Variants in PTGES observed in about 807,000 individuals in gnomAD.
PTGES encodes MGST1-like 1.
In PTGES, 3 loss-of-function variants were observed where a neutral mutation model predicts 11.8. The observed-to-expected ratio is 0.25, with a 90% CI of 0.12 to 0.66. The LOEUF (loss-of-function observed/expected upper bound fraction) is 0.66. PTGES is among the 30% of genes least tolerant of loss of function. PTGES has a pLI of 0.82. For missense variants in PTGES, 180 were observed against 213.0 expected, an observed-to-expected ratio of 0.85 and a Z score of 0.96; for synonymous variants, 94 against 90.4, an observed-to-expected ratio of 1.04 and a Z score of -0.22.
intron 1 of PTGES, among the ~76,000 whole-genome samples, chr9:129,749,325 C>G (rs927775942): frequency 1.3e-5 from 2 of 151,778 alleles, no homozygotes; most frequent in Non-Finnish European, 2.9e-5. Context: ...GAGACCAACC[C>G]GGGCAACATA....
rs202053335 is a variant in PTGES, at chr9:129,753,039, G to T, written c.-27C>A. On this transcript the variant is annotated 5_prime_UTR_variant, in exon 1 of 3. Transcript: ENST00000340607. ...TCTGGCCAGCGCAGCTCAACTGTGGGTGTGATCAGCTCGACAGAGGAGCAG... is the reference window on the plus strand; with the variant it reads ...TCTGGCCAGCGCAGCTCAACTGTGGTTGTGATCAGCTCGACAGAGGAGCAG... 11 of 1,594,536 alleles carry T rather than the reference G, an allele frequency of 6.9e-6. No individual in the cohort carries two copies. The highest frequency in any genetic ancestry group is 1.7e-4 in the Middle Eastern group (1 of 5,726).
intron 1 of PTGES, 25 bp downstream of exon 1, chr9:129,752,862 C>T (rs761686812): frequency 5.0e-6 from 8 of 1,613,722 alleles, no homozygotes; most frequent in South Asian, 2.2e-5. Context: ...TGACCCAGGC[C>T]GGGGACCCCC....
At chr9:129,746,460 C>T (rs1374479705) in intron 2 of PTGES, among the ~76,000 whole-genome samples, 1 of 152,090 alleles carries the variant, frequency 6.6e-6, no homozygotes, top group Non-Finnish European at 1.5e-5. Context: ...GAGAGACGGG[C>T]CTCATATGAA....
chr9:129,741,517 T>C (rs1832993628), intron 2 of PTGES, among the ~76,000 whole-genome samples: 1 of 152,162 alleles, frequency 6.6e-6, no homozygotes, highest in Non-Finnish European at 1.5e-5. Flanking sequence ...AGCAAGTCTG[T>C]GGCAGGGCAG....
At chr9:129,751,343 TAA>T (rs34989168) in intron 1 of PTGES, among the ~76,000 whole-genome samples, 172 of 103,296 alleles carry the variant, frequency 1.7e-3, no homozygotes, top group African/African-American at 5.7e-3. Context: ...AAATAATAAT[TAA>T]AAAAAAAAAA....
chr9:129,739,559 C>T lies in PTGES; in HGVS notation c.*52G>A, dbSNP rs763353536. On this transcript the variant is annotated 3_prime_UTR_variant, in exon 3 of 3. Coordinates refer to ENST00000340607, the MANE Select transcript of PTGES (RefSeq NM_004878.5). This position sits in a 1 kb window ranked among gnomAD's most constrained non-coding sequence, Gnocchi z 5.7. ...GGAACATCAAGTCCCCAGGTATAGC[C>T]ACGGCGGCTCTTGGCCCATGGTCTG... 1.0e-5 allele frequency: 16 copies of T among 1,527,112 alleles called. No individual in the cohort carries two copies. The highest frequency in any genetic ancestry group is 1.4e-5 in the Non-Finnish European group (16 of 1,134,836). The allele number at this position is 1,527,112 out of a possible 1,614,324, so 94.6% of individuals were successfully genotyped here.
At chr9:129,743,586 A>T (rs974305426) in intron 2 of PTGES, among the ~76,000 whole-genome samples, 1 of 152,140 alleles carries the variant, frequency 6.6e-6, no homozygotes, top group Non-Finnish European at 1.5e-5. Context: ...CAGGACAGGG[A>T]CAGCTGCTGG....
In PTGES at chr9:129,738,410, AACACACACACACACACACACACAC is replaced by A. The variant is rs71385459; in HGVS notation, c.*1177_*1200del. On this transcript the variant is annotated 3_prime_UTR_variant, in exon 3 of 3. Transcript: ENST00000340607. The surrounding 1 kb of genome is among the most constrained non-coding windows in gnomAD (Gnocchi z 4.2). ...ATCTCAGGTCACGGGTCTAGGAGAA[AACACACACACACACACACACACAC>A]ACACACACACACACACACACACACG... 6 of 138,414 alleles carry A rather than the reference AACACACACACACACACACACACAC, an allele frequency of 4.3e-5. No individual in the cohort carries two copies. The highest frequency in any genetic ancestry group is 1.6e-4 in the African/African-American group (6 of 37,096). The allele number at this position is 138,414 out of a possible 1,614,324, so 8.6% of individuals were successfully genotyped here.
At chr9:129,742,070 C>A (rs1304177436) in intron 2 of PTGES, among the ~76,000 whole-genome samples, 4 of 152,000 alleles carry the variant, frequency 2.6e-5, no homozygotes, top group Non-Finnish European at 5.9e-5. Flanking sequence ...GTAATCCCAG[C>A]ATTTTGGGAG....
intron 2 of PTGES, among the ~76,000 whole-genome samples, chr9:129,746,604 T>C (rs1833050181): frequency 6.6e-6 from 1 of 152,206 alleles, no homozygotes; most frequent in African/African-American, 2.4e-5. Flanking sequence ...ACAGACTTTC[T>C]TTCAAGTGAA....
At chr9:129,743,177 C>A (rs1190186638) in intron 2 of PTGES, among the ~76,000 whole-genome samples, 2 of 152,192 alleles carry the variant, frequency 1.3e-5, no homozygotes, top group African/African-American at 4.8e-5. Context: ...GTCAGGAGCT[C>A]TGACTGTCAG....
chr9:129,740,179 C>A (rs532635275), intron 2 of PTGES, among the ~76,000 whole-genome samples: 1 of 152,246 alleles, frequency 6.6e-6, no homozygotes, highest in Admixed American at 6.5e-5. Flanking sequence ...TACTCTCCCC[C>A]ACCTTCCTCT....
intron 1 of PTGES, among the ~76,000 whole-genome samples, chr9:129,752,374 T>G (rs1029556581): frequency 1.3e-5 from 2 of 152,142 alleles, no homozygotes; most frequent in African/African-American, 4.8e-5. Context: ...CTCGGATTAG[T>G]GGGGAAATTC....
Position 129,753,001 on chromosome 9 carries a change from G to T in PTGES, c.12C>A (p.His4Gln). The change falls in exon 1 of 3, where the codon CAC becomes CAA. Residue 4 changes from histidine to glutamine, a missense_variant. Coordinates refer to ENST00000340607, the MANE Select transcript of PTGES (RefSeq NM_004878.5). ...GGGCCGGGCTGCTCATCACCAGGCT[G>T]TGGGCAGGCATCTCTGGCCAGCGCA... MPA[H>Q]SLVMSSPALP... 2 of 1,606,322 alleles carry T rather than the reference G, an allele frequency of 1.2e-6. No individual in the cohort carries two copies. The highest frequency in any genetic ancestry group is 1.7e-6 in the Non-Finnish European group (2 of 1,179,850).
chr9:129,743,858 CT>C (rs1289396259), intron 2 of PTGES, among the ~76,000 whole-genome samples: 1 of 151,824 alleles, frequency 6.6e-6, no homozygotes, highest in Admixed American at 6.6e-5. Flanking sequence ...GTAGGAAGAT[CT>C]TTTTTTTGAG....
At chr9:129,742,057 C>A (rs1414604418) in intron 2 of PTGES, among the ~76,000 whole-genome samples, 2 of 152,072 alleles carry the variant, frequency 1.3e-5, no homozygotes, top group Non-Finnish European at 2.9e-5. Context: ...GTGGCTCATG[C>A]CTGTAATCCC....
chr9:129,747,700 C>A (rs1833060719), intron 2 of PTGES, among the ~76,000 whole-genome samples: 1 of 151,974 alleles, frequency 6.6e-6, no homozygotes, highest in South Asian at 2.1e-4. Context: ...TCACACATAC[C>A]CATAAAGGCA....
intron 2 of PTGES, among the ~76,000 whole-genome samples, chr9:129,742,328 CA>C (rs1194614585): frequency 0.069 from 3,532 of 51,108 alleles, 73 homozygotes; most frequent in African/African-American, 0.21. Context: ...GACTCTGTCT[CA>C]AAAAAAAAAA....
intron 1 of PTGES, among the ~76,000 whole-genome samples, chr9:129,751,328 T>G (rs1012958830): frequency 2.1e-5 from 2 of 93,502 alleles, no homozygotes; most frequent in African/African-American, 8.6e-5. Context: ...GTCTCTAAAA[T>G]AAATAAATAA....
Sources: gnomAD v4.1 joint callset for allele counts (sites outside exome capture counted in the v4.1 genomes callset) on GRCh38, gnomAD v4.1.1 for gene constraint, Gnocchi (gnomAD v3.1) non-coding constraint, MANE v1.5 for transcripts, NCBI Gene and HGNC (gene_info 2026-07-23, HGNC 2026-07-21) for gene names.